DMD: variants seen among roughly 807,000 people sequenced by gnomAD.
DMD encodes mutant dystrophin.
In DMD, 63 loss-of-function variants were observed where a neutral mutation model predicts 330.1. The ratio of observed to expected loss-of-function variants is 0.19; its 90% CI spans 0.16 to 0.24. The LOEUF (loss-of-function observed/expected upper bound fraction) is 0.24, where lower values mean the gene tolerates loss of function less well. DMD is among the 10% of genes least tolerant of loss of function. The pLI, the probability that DMD is intolerant of heterozygous loss-of-function variation, is 1.00. For synonymous variants in DMD, 1,223 were observed against 959.8 expected (o/e 1.27, Z -5.07); for missense variants, 3,344 against 2,684.1 (o/e 1.25, Z -5.43).
chrX:32,868,049 A>T (rs769256696), intron 2 of DMD, among the ~76,000 whole-genome samples: 1 of 110,392 alleles, frequency 9.1e-6, no homozygotes, highest in Non-Finnish European at 1.9e-5. Context: ...TCTCACTGGG[A>T]CTGACTAGGC....
Position 32,346,069 on chromosome X carries a change from A to G in DMD, c.5460T>C (p.Asn1820=). ...EDFNKDMNED[N]EGTVKELLQR... ...GCAACAATTCTTTTACAGTACCCTCATTGTCTTCATTCTGATCAAAAACAA... is the reference window on the plus strand; with the variant it reads ...GCAACAATTCTTTTACAGTACCCTCGTTGTCTTCATTCTGATCAAAAACAA... The change falls in exon 39 of 79, where the codon AAT becomes AAC. Residue 1820 remains asparagine (N), a synonymous_variant. Transcript: ENST00000357033. 8.3e-7 allele frequency: 1 copy of G among 1,209,237 alleles called. No homozygotes were observed. The highest frequency in any genetic ancestry group is 1.1e-6 in the Non-Finnish European group (1 of 894,069).
chrX:31,405,043 G>C (rs1013640095), intron 60 of DMD, among the ~76,000 whole-genome samples: 1 of 111,514 alleles, frequency 9.0e-6, no homozygotes, highest in Non-Finnish European at 1.9e-5. Flanking sequence ...GAAGACTCTC[G>C]GCACTATTCC....
intron 52 of DMD, among the ~76,000 whole-genome samples, chrX:31,720,912 T>TA (rs917292816): frequency 1.8e-5 from 2 of 111,785 alleles, no homozygotes; most frequent in African/African-American, 6.5e-5. Context: ...GTTTTGATAT[T>TA]AATCCTCTTA....
chrX:32,388,247 G>T lies in DMD; in HGVS notation c.4518+1254C>A, dbSNP rs754568275. On this transcript the variant is annotated intron_variant, in intron 32 of 78. Transcript: ENST00000357033. ...ATTTACTGTTGGATACATTTTATAA[G>T]GTAACATTAGAGACCTGTTTCTAGA... Among the ~76,000 whole-genome samples the T allele has an allele frequency of 2.8e-3, 302 of 109,131 alleles. 1 individual carries two copies. The highest frequency in any genetic ancestry group is 9.7e-3 in the African/African-American group (291 of 30,038). The allele number at this position is 109,131 out of a possible 115,157, so 94.8% of individuals were successfully genotyped here.
chrX:33,319,570 A>G (rs2053984833), intron 1 of DMD, among the ~76,000 whole-genome samples: 1 of 112,003 alleles, frequency 8.9e-6, no homozygotes, highest in South Asian at 3.7e-4. Flanking sequence ...TAAAGATCTT[A>G]TCGTGTATTA....
At chrX:31,831,878 A>T (rs1283449211) in intron 49 of DMD, among the ~76,000 whole-genome samples, 13 of 112,847 alleles carry the variant, frequency 1.2e-4, no homozygotes, top group African/African-American at 3.2e-4. Context: ...CTGGTATTAC[A>T]GGCGCGAGCC....
intron 60 of DMD, among the ~76,000 whole-genome samples, chrX:31,444,094 C>T (rs184200574): frequency 1.6e-3 from 182 of 110,408 alleles, no homozygotes; most frequent in Middle Eastern, 4.7e-3. Context: ...CCTCTCTTGC[C>T]GTGTGATCTT....
rs35537635 is a variant in DMD, at chrX:32,859,461, TCACACACACA to T, written c.94-9651_94-9642del. Among the ~76,000 whole-genome samples, 690 of 86,028 alleles carry T rather than the reference TCACACACACA, an allele frequency of 8.0e-3. 5 individuals are homozygous for T. Among genetic ancestry groups the T allele is most frequent in the South Asian group, 0.022 (31 of 1,411 alleles). The allele number at this position is 86,028 out of a possible 115,157, so 74.7% of individuals were successfully genotyped here. On this transcript the variant is annotated intron_variant, in intron 2 of 78. Coordinates refer to ENST00000357033, the MANE Select transcript of DMD (RefSeq NM_004006.3). ...CCGGCCTTTGTGACGAAGCAAGATC[TCACACACACA>T]CACACACACACACACACACACACAC...
chrX:31,220,339 G>C (rs1397386451), intron 64 of DMD, among the ~76,000 whole-genome samples: 1 of 110,819 alleles, frequency 9.0e-6, no homozygotes, highest in African/African-American at 3.3e-5. Context: ...GTTCACTTTT[G>C]AACTCACCAC....
At chrX:31,189,759 A>C (rs138178817) in intron 67 of DMD, among the ~76,000 whole-genome samples, 3,905 of 112,664 alleles carry the variant, frequency 0.035, 117 homozygotes, top group South Asian at 0.16. Flanking sequence ...TAAAAGGAAG[A>C]TTATAAAATC....
intron 1 of DMD, among the ~76,000 whole-genome samples, chrX:33,117,647 T>C (rs1246049751): frequency 1.8e-5 from 2 of 111,153 alleles, no homozygotes; most frequent in Admixed American, 1.9e-4. Context: ...TGAGGCCCAT[T>C]GAGGATTAAT....
At chrX:31,123,159 A>G (rs2033051738) in intron 78 of DMD, among the ~76,000 whole-genome samples, 1 of 111,960 alleles carries the variant, frequency 8.9e-6, no homozygotes, top group African/African-American at 3.2e-5. Context: ...GCTTCTCTAC[A>G]AAATGAAGCG....
intron 23 of DMD, among the ~76,000 whole-genome samples, chrX:32,464,934 T>C (rs1374720817): frequency 8.9e-6 from 1 of 112,064 alleles, no homozygotes; most frequent in Admixed American, 9.5e-5. Context: ...CTACCAAATG[T>C]GGTTTTATGA....
At chrX:32,476,105 A>G (rs1392612678) in intron 21 of DMD, among the ~76,000 whole-genome samples, 1 of 111,445 alleles carries the variant, frequency 9.0e-6, no homozygotes, top group Non-Finnish European at 1.9e-5. Context: ...ATGGGCAGAC[A>G]CATGGCGGTA....
At chrX:32,083,807 T>C (rs1359736466) in intron 44 of DMD, among the ~76,000 whole-genome samples, 3 of 112,760 alleles carry the variant, frequency 2.7e-5, no homozygotes, top group Non-Finnish European at 5.6e-5. Context: ...TCTTCTGTTC[T>C]AGCCTCCTCT....
intron 44 of DMD, among the ~76,000 whole-genome samples, chrX:32,190,276 T>A (rs2096967311): frequency 9.1e-6 from 1 of 109,968 alleles, no homozygotes; most frequent in Non-Finnish European, 1.9e-5. Flanking sequence ...CGTTTACACA[T>A]GCAACTAATT....
intron 1 of DMD, among the ~76,000 whole-genome samples, chrX:33,042,595 T>C (rs774446371): frequency 3.6e-5 from 4 of 112,522 alleles, no homozygotes; most frequent in African/African-American, 1.3e-4. Context: ...ACAAAGTTAA[T>C]GATCACACCC....
intron 42 of DMD, among the ~76,000 whole-genome samples, chrX:32,296,063 T>C (rs2097494413): frequency 8.9e-6 from 1 of 112,378 alleles, no homozygotes; most frequent in Admixed American, 9.4e-5. Flanking sequence ...AGCTCGTTGC[T>C]TCCCGAATAC....
intron 62 of DMD, among the ~76,000 whole-genome samples, chrX:31,301,603 C>G (rs1205728075): frequency 8.9e-6 from 1 of 112,244 alleles, no homozygotes; most frequent in East Asian, 2.8e-4. Flanking sequence ...CAGGCCCCTC[C>G]TCCAACATGT....
Sources: allele counts gnomAD v4.1 joint callset (sites outside exome capture counted in the v4.1 genomes callset), GRCh38; gene constraint gnomAD v4.1.1; transcripts MANE v1.5; gene names NCBI Gene and HGNC (gene_info 2026-07-23, HGNC 2026-07-21).